CDH23: variants seen among roughly 807,000 people sequenced by gnomAD.
The protein encoded by CDH23 is cadherin-23.
In CDH23, 189 loss-of-function variants were observed where a neutral mutation model predicts 317.1. The observed-to-expected ratio is 0.60, with a 90% CI of 0.53 to 0.67. The LOEUF (loss-of-function observed/expected upper bound fraction) is 0.67. Among genes scored for constraint, CDH23 ranks in the 30% least tolerant of loss-of-function variants. The pLI, the probability that CDH23 is intolerant of heterozygous loss-of-function variation, is 0.00. For missense variants in CDH23, 4,401 were observed against 4,592.4 expected, an observed-to-expected ratio of 0.96 and a Z score of 1.20; for synonymous variants, 1,839 against 1,876.8, an observed-to-expected ratio of 0.98 and a Z score of 0.52.
At chr10:71,684,726 T>G (rs1017837529) in intron 18 of CDH23, among the ~76,000 whole-genome samples, 1 of 152,164 alleles carries the variant, frequency 6.6e-6, no homozygotes, top group African/African-American at 2.4e-5. Context: ...CTGTCGCTAG[T>G]GCAAATGGGA....
In CDH23 at chr10:71,644,871, G is replaced by A. The variant is rs183851639; in HGVS notation, c.1141-960G>A. Among the ~76,000 whole-genome samples, 147 of 152,342 alleles carry A rather than the reference G, an allele frequency of 9.6e-4. 1 individual carries two copies. The highest frequency in any genetic ancestry group is 2.9e-3 in the African/African-American group (122 of 41,580). On this transcript the variant is annotated intron_variant, in intron 12 of 69. Coordinates refer to ENST00000224721, the MANE Select transcript of CDH23 (RefSeq NM_022124.6). Reference sequence around the variant, plus strand: ...AGGAGGCTCTTACACATCACAGGCCGCCTGCCCAGTTGGAGGGGAGTCTGG... The same window carrying A: ...AGGAGGCTCTTACACATCACAGGCCACCTGCCCAGTTGGAGGGGAGTCTGG...
Position 71,677,555 on chromosome 10 carries a change from G to A in CDH23, c.1614G>A (p.Gly538=). The A allele has an allele frequency of 1.2e-6, 2 of 1,611,722 alleles. No individual in the cohort carries two copies. Among genetic ancestry groups the A allele is most frequent in the Non-Finnish European group, 1.7e-6 (2 of 1,179,252 alleles). Residue 538 remains glycine, a synonymous_variant, in exon 16 of 70, where the codon GGG becomes GGA. Transcript: ENST00000224721. ...RFTLTIIARD[G]GGEETTGRVR... ...CCCTGACGATCATTGCCCGGGACGGGGGCGGCGAGGAGACCACAGGCCGGG... is the reference window on the plus strand; with the variant it reads ...CCCTGACGATCATTGCCCGGGACGGAGGCGGCGAGGAGACCACAGGCCGGG...
chr10:71,616,759 G>C (rs907519123), intron 10 of CDH23, among the ~76,000 whole-genome samples: 1 of 152,212 alleles, frequency 6.6e-6, no homozygotes, highest in Non-Finnish European at 1.5e-5. Flanking sequence ...CTGACCCTCA[G>C]AGTCGAGCAC....
intron 1 of CDH23, among the ~76,000 whole-genome samples, chr10:71,418,631 C>A: frequency 6.6e-6 from 1 of 152,214 alleles, no homozygotes; most frequent in East Asian, 1.9e-4. Flanking sequence ...TCTGGGCTTA[C>A]TTCTGGGAGA....
intron 17 of CDH23, among the ~76,000 whole-genome samples, chr10:71,681,662 G>A (rs946927747): frequency 6.6e-6 from 1 of 152,302 alleles, no homozygotes; most frequent in East Asian, 1.9e-4. Context: ...AGACGCCAGG[G>A]GCAGTGGCTC....
At chr10:71,709,722 C>A (rs930831689) in intron 27 of CDH23, among the ~76,000 whole-genome samples, 5 of 152,216 alleles carry the variant, frequency 3.3e-5, no homozygotes, top group Non-Finnish European at 7.3e-5. Flanking sequence ...ACACCTCAGG[C>A]TTCAGTCTCT....
chr10:71,750,563 T>A (rs1246049038), intron 38 of CDH23: 1 of 152,334 alleles, frequency 6.6e-6, no homozygotes, highest in East Asian at 1.9e-4. Context: ...CAAGACACCA[T>A]TTGCTCACGG....
chr10:71,528,972 C>T (rs1411924828), intron 6 of CDH23, among the ~76,000 whole-genome samples: 1 of 152,212 alleles, frequency 6.6e-6, no homozygotes, highest in Non-Finnish European at 1.5e-5. Flanking sequence ...TTGGTTAGCA[C>T]ACGTCTGTTT....
At chr10:71,715,474 C>G (rs867583796) in intron 28 of CDH23, 1 of 153,548 alleles carries the variant, frequency 6.5e-6, no homozygotes, top group Non-Finnish European at 1.4e-5. Context: ...TGGGCCAGCA[C>G]AGATGCCAGG....
intron 38 of CDH23, chr10:71,773,513 C>A: frequency 6.9e-7 from 1 of 1,442,010 alleles, no homozygotes. Flanking sequence ...GGGAAGCCTC[C>A]CGCGACTGAG....
intron 11 of CDH23, among the ~76,000 whole-genome samples, chr10:71,640,710 C>T (rs752863811): frequency 2.0e-5 from 3 of 151,914 alleles, no homozygotes; most frequent in Admixed American, 2.0e-4. Context: ...GCTGAGATCA[C>T]GCCACTGCAC....
At chr10:71,408,967 G>A (rs1848232575) in intron 1 of CDH23, among the ~76,000 whole-genome samples, 1 of 152,220 alleles carries the variant, frequency 6.6e-6, no homozygotes, top group Non-Finnish European at 1.5e-5. Flanking sequence ...GTGTGTGTGT[G>A]CATGTGCATG....
chr10:71,652,122 G>A (rs970509940), intron 14 of CDH23, among the ~76,000 whole-genome samples: 3 of 152,248 alleles, frequency 2.0e-5, no homozygotes, highest in African/African-American at 7.2e-5. Flanking sequence ...CTGGGCAGGT[G>A]TGGGGCCCCA....
intron 11 of CDH23, among the ~76,000 whole-genome samples, chr10:71,639,695 G>A (rs1862445558): frequency 6.6e-6 from 1 of 152,182 alleles, no homozygotes; most frequent in African/African-American, 2.4e-5. Flanking sequence ...CGCTGTCTTT[G>A]GGCCATCGTG....
chr10:71,769,303 TC>T (rs1437238013), intron 38 of CDH23, among the ~76,000 whole-genome samples: 1 of 152,204 alleles, frequency 6.6e-6, no homozygotes, highest in African/African-American at 2.4e-5. Context: ...GTTTTCAGAC[TC>T]CGAGCCTTCC....
At chr10:71,443,048 A>G (rs2132014305) in intron 2 of CDH23, among the ~76,000 whole-genome samples, 1 of 152,104 alleles carries the variant, frequency 6.6e-6, no homozygotes, top group South Asian at 2.1e-4. Flanking sequence ...TTATCCCTGC[A>G]CTCCCTGTCC....
At chr10:71,538,227 T>C (rs948553848) in intron 6 of CDH23, among the ~76,000 whole-genome samples, 1 of 151,940 alleles carries the variant, frequency 6.6e-6, no homozygotes, top group African/African-American at 2.4e-5. Context: ...ACACTAGGGG[T>C]TGACGAAAGC....
At chr10:71,543,855 G>T (rs1856122873) in intron 6 of CDH23, among the ~76,000 whole-genome samples, 1 of 152,212 alleles carries the variant, frequency 6.6e-6, no homozygotes, top group Non-Finnish European at 1.5e-5. Context: ...TTCTCCCAAA[G>T]CTGCTAAGTA....
chr10:71,490,684 C>A (rs1189660806), intron 3 of CDH23, among the ~76,000 whole-genome samples: 3 of 152,224 alleles, frequency 2.0e-5, no homozygotes, highest in African/African-American at 7.2e-5. Flanking sequence ...TTATGAATGA[C>A]TTGGGAAATA....
Sources: allele counts gnomAD v4.1 joint callset (sites outside exome capture counted in the v4.1 genomes callset), GRCh38; gene constraint gnomAD v4.1.1; transcripts MANE v1.5; gene names NCBI Gene and HGNC (gene_info 2026-07-23, HGNC 2026-07-21).